Variants in DISC1 observed in about 807,000 individuals in gnomAD.
DISC1 encodes the protein DISC1 scaffold protein.
DISC1 carries 57 observed loss-of-function variants against 84.5 expected under a neutral mutation model. The ratio of observed to expected loss-of-function variants is 0.67; its 90% CI spans 0.55 to 0.84. The LOEUF is 0.84. Ranked by LOEUF, DISC1 falls within the 40% of genes least tolerant of loss-of-function variation. The pLI is 0.00. For missense variants in DISC1, 1,000 were observed against 1,057.8 expected (o/e 0.95, Z 0.76); for synonymous variants, 411 against 415.2 (o/e 0.99, Z 0.12).
At chr1:231,999,445 A>G (rs1322826725) in intron 10 of DISC1, among the ~76,000 whole-genome samples, 1 of 152,150 alleles carries the variant, frequency 6.6e-6, no homozygotes, top group Non-Finnish European at 1.5e-5. Flanking sequence ...CTGGATTTGG[A>G]GCCCTGCTAA....
chr1:232,008,924 G>T lies in DISC1; in HGVS notation c.2182G>T (p.Ala728Ser), dbSNP rs776852284. ...DERQMDDLEG[A>S]APPIPPRLHS... ...GAGGCAGATGGATGACTTAGAGGGA[G>T]CTGCTCCTCCTATTCCCCCCAGGCT... The change falls in exon 11 of 13, where the codon GCT becomes TCT. Residue 728 changes from alanine to serine, a missense_variant. Ala to Ser is a moderately conservative substitution (Grantham distance 99). This residue lies in a region of DISC1 where 397 missense variants were observed against 377.5 expected (regional missense o/e 1.05). Transcript: ENST00000439617. The T allele has an allele frequency of 6.2e-7, 1 of 1,613,746 alleles. No individual in the cohort carries two copies. The highest frequency in any genetic ancestry group is 8.5e-7 in the Non-Finnish European group (1 of 1,179,780).
At chr1:231,719,576 G>C (rs1441767366) in intron 3 of DISC1, among the ~76,000 whole-genome samples, 1 of 152,070 alleles carries the variant, frequency 6.6e-6, no homozygotes, top group East Asian at 1.9e-4. Flanking sequence ...GGGATAATAG[G>C]GTTGTTTGGA....
intron 1 of DISC1, among the ~76,000 whole-genome samples, chr1:231,674,286 C>T (rs999529893): frequency 3.3e-5 from 5 of 151,566 alleles, no homozygotes; most frequent in South Asian, 2.1e-4. Context: ...TTTTTTTCTG[C>T]GTCACATCTG....
intron 9 of DISC1, among the ~76,000 whole-genome samples, chr1:231,931,407 G>A (rs2090647023): frequency 6.6e-6 from 1 of 152,150 alleles, no homozygotes; most frequent in Non-Finnish European, 1.5e-5. Context: ...AGATGCCCTA[G>A]GGACTTACTT....
intron 3 of DISC1, among the ~76,000 whole-genome samples, chr1:231,703,694 C>T (rs1047574368): frequency 5.3e-5 from 8 of 152,162 alleles, no homozygotes; most frequent in Non-Finnish European, 1.2e-4. Context: ...CCAAACATTC[C>T]GCAACACCTA....
intron 9 of DISC1, chr1:231,941,198 T>C (rs2091319234): frequency 2.6e-5 from 4 of 152,276 alleles, no homozygotes; most frequent in African/African-American, 7.2e-5. Context: ...GTTTTTGGGC[T>C]TCTTGCAGGC....
Position 231,781,450 on chromosome 1 carries a change from T to A in DISC1, c.1634+10380T>A, listed in dbSNP as rs1020120288. On this transcript the variant is annotated intron_variant, in intron 6 of 12. Coordinates refer to ENST00000439617, the MANE Select transcript of DISC1 (RefSeq NM_018662.3). ...TCTTTTATATAATTTAGGCATTAGA[T>A]TAATTATTTTCAACTGGAGCCCCAT... Among the ~76,000 whole-genome samples, 13 of 152,274 alleles carry A rather than the reference T, an allele frequency of 8.5e-5. No individual in the cohort carries two copies. In the East Asian group the frequency reaches 2.5e-3, roughly 29 times the overall value.
intron 3 of DISC1, among the ~76,000 whole-genome samples, chr1:231,736,761 A>T (rs1286483096): frequency 6.6e-6 from 1 of 152,214 alleles, no homozygotes; most frequent in Non-Finnish European, 1.5e-5. Context: ...TTATGTAAAA[A>T]CCAAAGAAAA....
Position 231,698,086 on chromosome 1 carries a change from C to T in DISC1, c.1047+3281C>T, listed in dbSNP as rs894250143. On this transcript the variant is annotated intron_variant, in intron 2 of 12. Transcript: ENST00000439617. The surrounding 1 kb of genome is among the most constrained non-coding windows in gnomAD (Gnocchi z 4.9). ...GAGTGCTGTTGGCCAGAGTACAATG[C>T]TTATGGATCAATAATACATATTAAA... is the stretch of plus-strand genomic sequence containing the variant. Among the ~76,000 whole-genome samples the T allele has an allele frequency of 5.9e-5, 9 of 152,016 alleles. No homozygotes were observed. Among genetic ancestry groups the T allele is most frequent in the African/African-American group, 1.5e-4 (6 of 41,374 alleles).
intron 11 of DISC1, among the ~76,000 whole-genome samples, chr1:232,014,996 T>A (rs1343047821): frequency 6.6e-6 from 1 of 152,170 alleles, no homozygotes; most frequent in Non-Finnish European, 1.5e-5. Flanking sequence ...ACTTGACCAA[T>A]AGAAACAGAA....
At position 231,818,362 on chromosome 1, in the gene DISC1, A is replaced by C; in HGVS notation, c.1826A>C (p.Glu609Ala). 1 of 1,614,028 alleles carries C rather than the reference A, an allele frequency of 6.2e-7. No individual in the cohort carries two copies. The highest frequency in any genetic ancestry group is 1.1e-5 in the South Asian group (1 of 91,074). Reference sequence around the variant, plus strand: ...TTCTGGACGGCTAAAGACCTCACCGAGGAGATTAGATCATTAACATCAGAG... The same window carrying C: ...TTCTGGACGGCTAAAGACCTCACCGCGGAGATTAGATCATTAACATCAGAG... ...NHFWTAKDLT[E>A]EIRSLTSERE... Residue 609 changes from glutamate (E) to alanine (A), a missense_variant, in exon 9 of 13, where the codon GAG becomes GCG. Transcript: ENST00000439617.
intron 9 of DISC1, among the ~76,000 whole-genome samples, chr1:231,908,193 G>A (rs2088881516): frequency 6.6e-6 from 1 of 152,140 alleles, no homozygotes; most frequent in Non-Finnish European, 1.5e-5. Context: ...GATCCCATTT[G>A]TCAACTTTGG....
At chr1:231,957,385 T>G (rs1659703171) in intron 9 of DISC1, among the ~76,000 whole-genome samples, 1 of 152,200 alleles carries the variant, frequency 6.6e-6, no homozygotes, top group Non-Finnish European at 1.5e-5. Flanking sequence ...TTTTTCCCCT[T>G]AAATCCTTAT....
intron 8 of DISC1, among the ~76,000 whole-genome samples, chr1:231,811,499 T>G (rs974253493): frequency 6.6e-6 from 1 of 152,266 alleles, no homozygotes; most frequent in Non-Finnish European, 1.5e-5. Context: ...TTCTGGAGTT[T>G]GATCATTCTC....
At chr1:231,640,878 T>G (rs1675339486) in intron 1 of DISC1, among the ~76,000 whole-genome samples, 1 of 152,100 alleles carries the variant, frequency 6.6e-6, no homozygotes, top group Non-Finnish European at 1.5e-5. Context: ...TGGATTCTCC[T>G]GGTTGACTTA....
chr1:231,747,965 T>G (rs1227307703), intron 3 of DISC1, among the ~76,000 whole-genome samples: 1 of 152,182 alleles, frequency 6.6e-6, no homozygotes, highest in Non-Finnish European at 1.5e-5. Context: ...TGGTTAAATT[T>G]ATTTCTAGGT....
At chr1:231,883,318 A>T (rs1040587736) in intron 9 of DISC1, among the ~76,000 whole-genome samples, 1 of 152,172 alleles carries the variant, frequency 6.6e-6, no homozygotes, top group Middle Eastern at 3.2e-3. Flanking sequence ...GAACAAAAAA[A>T]ACCCAACCCT....
intron 1 of DISC1, among the ~76,000 whole-genome samples, chr1:231,671,008 G>A (rs1187349275): frequency 1.3e-5 from 2 of 152,154 alleles, no homozygotes; most frequent in South Asian, 2.1e-4. Flanking sequence ...TATAGGGAGT[G>A]TTACTTGGCG....
chr1:232,012,151 G>A (rs1426784505), intron 11 of DISC1, among the ~76,000 whole-genome samples: 5 of 131,626 alleles, frequency 3.8e-5, no homozygotes, highest in African/African-American at 1.4e-4. Flanking sequence ...CATGCATAAT[G>A]CTAGCAACAG....
Sources: gnomAD v4.1 joint callset for allele counts (sites outside exome capture counted in the v4.1 genomes callset) on GRCh38, gnomAD v4.1.1 for gene constraint, gnomAD v4.1.1 regional missense constraint, Gnocchi (gnomAD v3.1) non-coding constraint, MANE v1.5 for transcripts, NCBI Gene and HGNC (gene_info 2026-07-23, HGNC 2026-07-21) for gene names.